The following VAV3 variants were observed in gnomAD, a reference collection of about 807,000 sequenced individuals.
The protein encoded by VAV3 is vav guanine nucleotide exchange factor 3, also known as guanine nucleotide exchange factor VAV3.
In VAV3, 94 loss-of-function variants were observed where a neutral mutation model predicts 131.2. The ratio of observed to expected loss-of-function variants is 0.72; its 90% CI spans 0.61 to 0.85. The LOEUF is 0.85. Among genes scored for constraint, VAV3 ranks in the 40% least tolerant of loss-of-function variants. The pLI is 0.00. For synonymous variants in VAV3, 349 were observed against 342.0 expected, an observed-to-expected ratio of 1.02 and a Z score of -0.22; for missense variants, 939 against 1,002.7, an observed-to-expected ratio of 0.94 and a Z score of 0.86.
At chr1:107,768,346 A>G (rs1047715698) in intron 7 of VAV3, 95 bp downstream of exon 7, 39 of 907,696 alleles carry the variant, frequency 4.3e-5, no homozygotes, top group Non-Finnish European at 6.1e-5. Flanking sequence ...CTTAAATAAT[A>G]CAAAAGAGTA....
chr1:107,642,309 C>A (rs887626324), intron 20 of VAV3, among the ~76,000 whole-genome samples: 1 of 152,128 alleles, frequency 6.6e-6, no homozygotes, highest in African/African-American at 2.4e-5. Context: ...TACTACATTC[C>A]CATCAGCACC....
chr1:107,773,148 T>C (rs1665146901), intron 4 of VAV3, among the ~76,000 whole-genome samples: 1 of 152,206 alleles, frequency 6.6e-6, no homozygotes, highest in Non-Finnish European at 1.5e-5. Flanking sequence ...CAGGTGTGCA[T>C]TATTATTTAA....
chr1:107,844,175 A>G (rs539937676), intron 2 of VAV3, among the ~76,000 whole-genome samples: 64 of 151,888 alleles, frequency 4.2e-4, no homozygotes, highest in Non-Finnish European at 7.8e-4. Context: ...GAGGGCAAGC[A>G]GAAGCAGGGT....
At chr1:107,848,710 G>C (rs1464877148) in intron 2 of VAV3, among the ~76,000 whole-genome samples, 1 of 152,120 alleles carries the variant, frequency 6.6e-6, no homozygotes, top group Non-Finnish European at 1.5e-5. Context: ...AGCAATATTG[G>C]AAGTCCTGGA....
At chr1:107,915,006 G>C (rs746214289) in intron 1 of VAV3, among the ~76,000 whole-genome samples, 1 of 152,182 alleles carries the variant, frequency 6.6e-6, no homozygotes, top group East Asian at 1.9e-4. Context: ...AGGCATTAGA[G>C]AGAGAGACAG....
intron 2 of VAV3, among the ~76,000 whole-genome samples, chr1:107,793,765 G>T (rs1258240603): frequency 6.6e-6 from 1 of 152,214 alleles, no homozygotes; most frequent in Non-Finnish European, 1.5e-5. Context: ...TCAAACAGGA[G>T]TATGTTAAGA....
intron 2 of VAV3, among the ~76,000 whole-genome samples, chr1:107,792,564 A>T (rs74946308): frequency 0.012 from 1,854 of 152,342 alleles, 22 homozygotes; most frequent in Non-Finnish European, 0.018. Flanking sequence ...ATTACATAAT[A>T]GTGTTAATTA....
intron 22 of VAV3, among the ~76,000 whole-genome samples, chr1:107,605,747 G>C (rs1009003806): frequency 6.6e-6 from 1 of 152,094 alleles, no homozygotes; most frequent in Non-Finnish European, 1.5e-5. Context: ...TTGTGTATAA[G>C]ATATATATAA....
chr1:107,704,759 C>A, intron 16 of VAV3, 109 bp from the exon 17 acceptor site: 1 of 1,026,806 alleles, frequency 9.7e-7, no homozygotes, highest in South Asian at 1.5e-5. Context: ...TCAAGGTACC[C>A]CCTTGGTAGA....
intron 12 of VAV3, among the ~76,000 whole-genome samples, chr1:107,751,526 T>C (rs1663725301): frequency 6.6e-6 from 1 of 152,136 alleles, no homozygotes; most frequent in Non-Finnish European, 1.5e-5. Flanking sequence ...TTTTTGAGCA[T>C]CTACTACGTG....
chr1:107,918,887 A>G (rs1325530291), intron 1 of VAV3, among the ~76,000 whole-genome samples: 2 of 151,536 alleles, frequency 1.3e-5, no homozygotes, highest in Non-Finnish European at 2.9e-5. Context: ...TTGTATTTTT[A>G]GTAGAGACAG....
chr1:107,720,431 A>ATAAG (rs10670703), intron 15 of VAV3, among the ~76,000 whole-genome samples: 1 of 130,708 alleles, frequency 7.7e-6, no homozygotes, highest in Non-Finnish European at 1.6e-5. Context: ...AAATAAATAA[A>ATAAG]AGTTCCATCT....
intron 19 of VAV3, chr1:107,677,921 G>A (rs941528458): frequency 9.9e-5 from 15 of 152,100 alleles, no homozygotes; most frequent in South Asian, 4.2e-4. Context: ...TTGTGAACTC[G>A]GAATGAGCCT....
At chr1:107,725,967 T>C (rs1661815663) in intron 15 of VAV3, among the ~76,000 whole-genome samples, 1 of 152,168 alleles carries the variant, frequency 6.6e-6, no homozygotes. Context: ...TGGGTACTTT[T>C]AAATAACAAT....
At chr1:107,944,938 G>C (rs1034669117) in intron 1 of VAV3, among the ~76,000 whole-genome samples, 3 of 152,174 alleles carry the variant, frequency 2.0e-5, no homozygotes, top group African/African-American at 4.8e-5. Flanking sequence ...CGGAAGTTAA[G>C]AGTGTAATAT....
At chr1:107,597,204 G>A (rs190272282) in intron 24 of VAV3, among the ~76,000 whole-genome samples, 5 of 146,054 alleles carry the variant, frequency 3.4e-5, no homozygotes, top group African/African-American at 1.3e-4. Flanking sequence ...TTCTATTGGA[G>A]CGCCTTTTTA....
At chr1:107,699,671 T>G (rs1190118768) in intron 17 of VAV3, among the ~76,000 whole-genome samples, 1 of 152,084 alleles carries the variant, frequency 6.6e-6, no homozygotes, top group Non-Finnish European at 1.5e-5. Flanking sequence ...TGCCTGGGCA[T>G]CCAGACATTT....
In VAV3 at chr1:107,878,383, C is replaced by A. The variant is rs182955910; in HGVS notation, c.205-3366G>T. 2.7e-3 allele frequency among the ~76,000 whole-genome samples: 409 copies of A among 152,268 alleles called. 1 individual carries two copies. The highest frequency in any genetic ancestry group is 3.2e-3 in the Admixed American group (49 of 15,282). On this transcript the variant is annotated intron_variant, in intron 1 of 26. Coordinates refer to ENST00000370056, the MANE Select transcript of VAV3 (RefSeq NM_006113.5). ...AGTACTAGGATCCAGTCATGTTTTA[C>A]CCACTGCATTTGGCAGTTTTATCTT...
chr1:107,695,358 A>G (rs1344868853), intron 17 of VAV3, among the ~76,000 whole-genome samples: 2 of 152,190 alleles, frequency 1.3e-5, no homozygotes, highest in African/African-American at 4.8e-5. Context: ...GAGTTGTTCA[A>G]GCAAGAGACA....
Sources: allele counts gnomAD v4.1 joint callset (sites outside exome capture counted in the v4.1 genomes callset), GRCh38; gene constraint gnomAD v4.1.1; transcripts MANE v1.5; gene names NCBI Gene and HGNC (gene_info 2026-07-23, HGNC 2026-07-21).